The following RPTOR variants were observed in gnomAD, a reference collection of about 807,000 sequenced individuals.
RPTOR encodes regulatory associated protein of MTOR complex 1.
RPTOR carries 21 observed loss-of-function variants against 169.9 expected under a neutral mutation model. That is an observed-to-expected ratio of 0.12 (90% CI 0.09 to 0.18). The LOEUF (loss-of-function observed/expected upper bound fraction) is 0.18, where lower values mean the gene tolerates loss of function less well. Among genes scored for constraint, RPTOR ranks in the 10% least tolerant of loss-of-function variants. RPTOR has a pLI of 1.00. For synonymous variants in RPTOR, 732 were observed against 753.2 expected (o/e 0.97, Z 0.46); for missense variants, 1,133 against 1,855.9 (o/e 0.61, Z 7.16).
intron 25 of RPTOR, chr17:80,941,108 C>T (rs2069020777): frequency 6.5e-6 from 1 of 154,802 alleles, no homozygotes; most frequent in Non-Finnish European, 1.4e-5. Context: ...AGCTGGCCTC[C>T]ACTTGTCCCT....
chr17:80,756,535 G>A (rs1243920224), intron 6 of RPTOR, among the ~76,000 whole-genome samples: 1 of 152,196 alleles, frequency 6.6e-6, no homozygotes, highest in Non-Finnish European at 1.5e-5. Context: ...GAGTGAGATG[G>A]TGGAATAGAA....
At position 80,609,181 on chromosome 17, in the gene RPTOR, TG is replaced by T. The variant is rs2065249910; in HGVS notation, c.163-16509del. On this transcript the variant is annotated intron_variant, in intron 1 of 33. Coordinates refer to ENST00000306801, the MANE Select transcript of RPTOR (RefSeq NM_020761.3). The surrounding 1 kb of genome is among the most constrained non-coding windows in gnomAD (Gnocchi z 4.8). ...CAGGGGGCGGGGAGCACATGCGGCG[TG>T]CAGACCTTTCCTTAGGTTTGTGCTG... Among the ~76,000 whole-genome samples the T allele has an allele frequency of 6.6e-6, 1 of 152,152 alleles. No individual in the cohort carries two copies. Among genetic ancestry groups the T allele is most frequent in the East Asian group, 1.9e-4 (1 of 5,184 alleles).
intron 4 of RPTOR, among the ~76,000 whole-genome samples, chr17:80,717,250 T>C (rs922648782): frequency 6.6e-6 from 1 of 152,202 alleles, no homozygotes; most frequent in East Asian, 1.9e-4. Flanking sequence ...CACAGCTTTT[T>C]CCCAGTCTTA....
rs2068960766 is a variant in RPTOR, at chr17:80,936,865, C to T, written c.2920-3631C>T. Among the ~76,000 whole-genome samples, 1 of 152,204 alleles carries T rather than the reference C, an allele frequency of 6.6e-6. No individual in the cohort carries two copies. The highest frequency in any genetic ancestry group is 2.4e-5 in the African/African-American group (1 of 41,462). ...CTCCGAGCTTCATTCAGAGCTTCTC[C>T]CCCCTCCACAGCTTGGCGATTTGTG... On this transcript the variant is annotated intron_variant, in intron 24 of 33. Transcript: ENST00000306801. The surrounding 1 kb of genome is among the most constrained non-coding windows in gnomAD (Gnocchi z 4.1).
At chr17:80,834,089 C>T (rs746499652) in intron 9 of RPTOR, among the ~76,000 whole-genome samples, 21 of 152,252 alleles carry the variant, frequency 1.4e-4, no homozygotes, top group Non-Finnish European at 2.8e-4. Context: ...AAACCACCCA[C>T]GGCCCCGAGA....
chr17:80,647,234 G>A (rs367545595), intron 3 of RPTOR, among the ~76,000 whole-genome samples: 28 of 152,270 alleles, frequency 1.8e-4, no homozygotes, highest in African/African-American at 6.5e-4. Context: ...TTATTACCTT[G>A]TAGGTGTATA....
At chr17:80,900,964 C>T (rs2068469223) in intron 20 of RPTOR, among the ~76,000 whole-genome samples, 1 of 152,216 alleles carries the variant, frequency 6.6e-6, no homozygotes, top group South Asian at 2.1e-4. Flanking sequence ...ACCACATGGG[C>T]ATCTCCCCTT....
intron 11 of RPTOR, among the ~76,000 whole-genome samples, chr17:80,848,115 G>A (rs1370272566): frequency 2.0e-5 from 3 of 152,300 alleles, no homozygotes; most frequent in Admixed American, 1.3e-4. Context: ...CAGTACCGCC[G>A]GCCTGTCCTC....
intron 1 of RPTOR, among the ~76,000 whole-genome samples, chr17:80,594,807 A>G (rs967212239): frequency 2.0e-5 from 3 of 152,190 alleles, no homozygotes; most frequent in African/African-American, 7.2e-5. Context: ...TCCATGGTAA[A>G]TTGCCAGTTG....
intron 21 of RPTOR, among the ~76,000 whole-genome samples, chr17:80,916,382 G>A (rs1428102552): frequency 6.6e-6 from 1 of 152,314 alleles, no homozygotes; most frequent in South Asian, 2.1e-4. Context: ...CAGGGAGCAG[G>A]CACCCATGCC....
rs113807678 is a variant in RPTOR, at chr17:80,964,335, G to C, written c.*5G>C. ...GTGGAGAAGCGTGTCAGATAGCGGC[G>C]TGACCCGGGCCCACCAGGCCACGGC... On this transcript the variant is annotated 3_prime_UTR_variant, in exon 34 of 34. Coordinates refer to ENST00000306801, the MANE Select transcript of RPTOR (RefSeq NM_020761.3). 4.4e-6 allele frequency: 7 copies of C among 1,605,850 alleles called. No individual in the cohort carries two copies. The highest frequency in any genetic ancestry group is 5.1e-6 in the Non-Finnish European group (6 of 1,179,800).
chr17:80,891,956 G>A (rs1203687369), intron 18 of RPTOR, 119 bp downstream of exon 18: 23 of 593,432 alleles, frequency 3.9e-5, no homozygotes, highest in Non-Finnish European at 5.3e-5. Flanking sequence ...GATACCTGCC[G>A]CAAGGGGTCC....
intron 13 of RPTOR, among the ~76,000 whole-genome samples, chr17:80,875,664 G>T (rs2143812743): frequency 6.6e-6 from 1 of 152,252 alleles, no homozygotes; most frequent in South Asian, 2.1e-4. Flanking sequence ...GTCTCTGCCG[G>T]GTCTTCCACC....
intron 28 of RPTOR, among the ~76,000 whole-genome samples, chr17:80,954,157 T>C (rs529189435): frequency 6.6e-6 from 1 of 152,300 alleles, no homozygotes; most frequent in African/African-American, 2.4e-5. Flanking sequence ...AGTTTCACTC[T>C]TGTTGCCCAG....
At chr17:80,958,535 C>T (rs962389737) in intron 29 of RPTOR, among the ~76,000 whole-genome samples, 12 of 151,462 alleles carry the variant, frequency 7.9e-5, no homozygotes, top group South Asian at 2.1e-4. Flanking sequence ...CTCAGCCTCC[C>T]GAGTAGCTGG....
chr17:80,833,027 G>T (rs1486240310), intron 9 of RPTOR, among the ~76,000 whole-genome samples: 6 of 152,220 alleles, frequency 3.9e-5, no homozygotes, highest in African/African-American at 1.2e-4. Context: ...TCACCGGGGA[G>T]TCATTCTCCT....
At chr17:80,872,872 C>G (rs2068066757) in intron 13 of RPTOR, among the ~76,000 whole-genome samples, 1 of 152,114 alleles carries the variant, frequency 6.6e-6, no homozygotes, top group South Asian at 2.1e-4. Flanking sequence ...CTTCAGGGCC[C>G]CATGATTGAT....
At chr17:80,669,723 T>C (rs1188479110) in intron 3 of RPTOR, among the ~76,000 whole-genome samples, 1 of 152,228 alleles carries the variant, frequency 6.6e-6, no homozygotes, top group Non-Finnish European at 1.5e-5. Flanking sequence ...GTTTCTCCCC[T>C]GCGCTCTGGT....
At chr17:80,714,267 A>G (rs904278245) in intron 4 of RPTOR, among the ~76,000 whole-genome samples, 6 of 152,186 alleles carry the variant, frequency 3.9e-5, no homozygotes, top group African/African-American at 1.4e-4. Flanking sequence ...TCTTATTGAG[A>G]AAACTCTAGG....
Sources: allele counts gnomAD v4.1 joint callset (sites outside exome capture counted in the v4.1 genomes callset), GRCh38; gene constraint gnomAD v4.1.1; non-coding constraint Gnocchi (gnomAD v3.1); transcripts MANE v1.5; gene names NCBI Gene and HGNC (gene_info 2026-07-23, HGNC 2026-07-21).